The following GRIN2A variants were observed in gnomAD, a reference collection of about 807,000 sequenced individuals.
The protein encoded by GRIN2A is glutamate receptor ionotropic, NMDA 2A.
A neutral mutation model predicts 113.4 loss-of-function variants in GRIN2A; 22 were observed. The observed-to-expected ratio is 0.19, with a 90% confidence interval of 0.14 to 0.28. The LOEUF is 0.28. Among genes scored for constraint, GRIN2A ranks in the 10% least tolerant of loss-of-function variants. The probability of loss-of-function intolerance (pLI) is 1.00; values close to 1 mark genes in which losing one functional copy is unlikely to be tolerated. For missense variants in GRIN2A, 1,502 were observed against 1,887.0 expected, an observed-to-expected ratio of 0.80 and a Z score of 3.78; for synonymous variants, 827 against 738.4, an observed-to-expected ratio of 1.12 and a Z score of -1.94.
At chr16:9,960,420 CTTT>C (rs1186254934) in intron 2 of GRIN2A, among the ~76,000 whole-genome samples, 2 of 152,080 alleles carry the variant, frequency 1.3e-5, no homozygotes, top group Non-Finnish European at 2.9e-5. Context: ...ATATGGATGC[CTTT>C]ACATTTTCTT....
chr16:9,840,527 A>T, intron 7 of GRIN2A, 120 bp downstream of exon 7: 1 of 938,154 alleles, frequency 1.1e-6, no homozygotes, highest in Non-Finnish European at 1.7e-6. Context: ...GCATCCTCTG[A>T]AATATGCTGC....
At chr16:9,782,528 C>G (rs1901997217) in intron 11 of GRIN2A, among the ~76,000 whole-genome samples, 1 of 152,182 alleles carries the variant, frequency 6.6e-6, no homozygotes, top group South Asian at 2.1e-4. Flanking sequence ...TTTGCACGAG[C>G]CTATGTGACA....
intron 2 of GRIN2A, among the ~76,000 whole-genome samples, chr16:10,010,682 A>G (rs987835450): frequency 1.3e-5 from 2 of 152,194 alleles, no homozygotes; most frequent in South Asian, 4.1e-4. Context: ...AGTGATGACT[A>G]GGACTCAGCT....
At chr16:10,043,429 T>A (rs2047200763) in intron 2 of GRIN2A, among the ~76,000 whole-genome samples, 1 of 152,198 alleles carries the variant, frequency 6.6e-6, no homozygotes, top group Non-Finnish European at 1.5e-5. Context: ...AAACTTTAAA[T>A]GCTCACTCGC....
intron 2 of GRIN2A, among the ~76,000 whole-genome samples, chr16:10,070,803 G>A (rs1328889799): frequency 1.3e-5 from 2 of 152,202 alleles, no homozygotes; most frequent in Non-Finnish European, 2.9e-5. Context: ...CTCACACGCA[G>A]ACCATCTGGA....
chr16:10,011,168 A>G (rs2046497503), intron 2 of GRIN2A, among the ~76,000 whole-genome samples: 1 of 152,186 alleles, frequency 6.6e-6, no homozygotes, highest in Non-Finnish European at 1.5e-5. Flanking sequence ...TTGTGCCTGC[A>G]TTTTGAAGAT....
intron 2 of GRIN2A, among the ~76,000 whole-genome samples, chr16:10,176,842 G>C (rs1235413443): frequency 6.6e-6 from 1 of 151,946 alleles, no homozygotes; most frequent in Non-Finnish European, 1.5e-5. Context: ...AGAACTTAAA[G>C]TAAAAATAAA....
chr16:10,066,974 T>G (rs2047661274), intron 2 of GRIN2A, among the ~76,000 whole-genome samples: 1 of 152,148 alleles, frequency 6.6e-6, no homozygotes. Context: ...TTCGGATACA[T>G]GCTACACCAG....
intron 3 of GRIN2A, among the ~76,000 whole-genome samples, chr16:9,936,796 A>G (rs1324381386): frequency 6.6e-6 from 1 of 152,198 alleles, no homozygotes; most frequent in African/African-American, 2.4e-5. Context: ...TGCAAAATCA[A>G]ACAGAGACCA....
intron 3 of GRIN2A, among the ~76,000 whole-genome samples, chr16:9,895,420 C>G (rs1405448317): frequency 1.3e-5 from 2 of 152,132 alleles, no homozygotes; most frequent in Non-Finnish European, 2.9e-5. Context: ...GGGAAAGTAA[C>G]TTGGGAGAGG....
chr16:10,172,452 C>G (rs1385400814), intron 2 of GRIN2A, among the ~76,000 whole-genome samples: 2 of 152,252 alleles, frequency 1.3e-5, no homozygotes, highest in Non-Finnish European at 2.9e-5. Flanking sequence ...GGAAGAGCTA[C>G]TTCCCTCACC....
intron 2 of GRIN2A, among the ~76,000 whole-genome samples, chr16:9,960,859 A>G (rs1381877007): frequency 6.6e-6 from 1 of 152,168 alleles, no homozygotes; most frequent in African/African-American, 2.4e-5. Context: ...CTCCTGGACT[A>G]AAGTGATCCT....
chr16:10,044,047 A>AG (rs2047218095), intron 2 of GRIN2A, among the ~76,000 whole-genome samples: 1 of 137,440 alleles, frequency 7.3e-6, no homozygotes, highest in Non-Finnish European at 1.5e-5. Context: ...AGAGAGAGAG[A>AG]CAGAGACAGA....
chr16:9,947,884 A>G (rs931004534), intron 2 of GRIN2A, among the ~76,000 whole-genome samples: 4 of 152,178 alleles, frequency 2.6e-5, no homozygotes, highest in Non-Finnish European at 5.9e-5. Flanking sequence ...CGAGAGCTCC[A>G]TTAATGAGAG....
chr16:9,908,129 A>C (rs1309478340), intron 3 of GRIN2A, among the ~76,000 whole-genome samples: 1 of 152,238 alleles, frequency 6.6e-6, no homozygotes, highest in Non-Finnish European at 1.5e-5. Context: ...GCCGGGCCTC[A>C]TAATGAAACT....
At chr16:9,887,987 C>T (rs1055494973) in intron 4 of GRIN2A, among the ~76,000 whole-genome samples, 2 of 152,222 alleles carry the variant, frequency 1.3e-5, no homozygotes, top group African/African-American at 4.8e-5. Context: ...CTCGCCCAGG[C>T]TGGAGTGCAG....
At chr16:10,117,408 T>C (rs2048747321) in intron 2 of GRIN2A, among the ~76,000 whole-genome samples, 1 of 152,238 alleles carries the variant, frequency 6.6e-6, no homozygotes, top group Admixed American at 6.5e-5. Flanking sequence ...ATTAAGATTG[T>C]CCATGAGTTG....
chr16:10,096,190 G>C (rs1282997770), intron 2 of GRIN2A, among the ~76,000 whole-genome samples: 2 of 152,084 alleles, frequency 1.3e-5, no homozygotes, highest in Admixed American at 1.3e-4. Flanking sequence ...TTGTTTTTTA[G>C]GCTCCTTGGG....
At chr16:9,862,317 G>A (rs566699629) in intron 4 of GRIN2A, among the ~76,000 whole-genome samples, 88 of 152,242 alleles carry the variant, frequency 5.8e-4, no homozygotes, top group African/African-American at 2.0e-3. Flanking sequence ...CATTGGAGAA[G>A]TAGATTTTTT....
Sources: allele counts gnomAD v4.1 joint callset (sites outside exome capture counted in the v4.1 genomes callset), GRCh38; gene constraint gnomAD v4.1.1; transcripts MANE v1.5; gene names NCBI Gene and HGNC (gene_info 2026-07-23, HGNC 2026-07-21).